The following CCDC60 variants were observed in gnomAD, a reference collection of about 807,000 sequenced individuals.
CCDC60 encodes the protein coiled-coil domain containing 60, also known as coiled-coil domain-containing protein 60.
CCDC60 carries 54 observed loss-of-function variants against 63.5 expected under a neutral mutation model. That is an observed-to-expected ratio of 0.85 (90% CI 0.68 to 1.07). The LOEUF (loss-of-function observed/expected upper bound fraction) is 1.07. Ranked by LOEUF, CCDC60 falls within the 50% of genes least tolerant of loss-of-function variation. The probability of loss-of-function intolerance (pLI) is 0.00; values close to 1 mark genes in which losing one functional copy is unlikely to be tolerated. For synonymous variants in CCDC60, 206 were observed against 238.8 expected (o/e 0.86, Z 1.27); for missense variants, 651 against 684.3 (o/e 0.95, Z 0.54).
chr12:119,397,253 G>T (rs553314596), intron 1 of CCDC60, among the ~76,000 whole-genome samples: 1 of 152,302 alleles, frequency 6.6e-6, no homozygotes, highest in South Asian at 2.1e-4. Flanking sequence ...ACACTTCCAT[G>T]ATCTGAAAAG....
At chr12:119,477,176 A>G (rs916321414) in intron 3 of CCDC60, among the ~76,000 whole-genome samples, 4 of 152,274 alleles carry the variant, frequency 2.6e-5, no homozygotes, top group African/African-American at 9.6e-5. Flanking sequence ...ATGGCAGCTG[A>G]ATGCTGAGTG....
chr12:119,338,721 C>T (rs1007186999), intron 1 of CCDC60, among the ~76,000 whole-genome samples: 1 of 152,118 alleles, frequency 6.6e-6, no homozygotes, highest in Non-Finnish European at 1.5e-5. Flanking sequence ...GGAACGACAC[C>T]TAAAAGTAGA....
chr12:119,479,776 T>C (rs1375568792), intron 4 of CCDC60: 1 of 152,264 alleles, frequency 6.6e-6, no homozygotes, highest in Non-Finnish European at 1.5e-5. Context: ...GGATACAAGC[T>C]TCTGACTTTA....
intron 13 of CCDC60, among the ~76,000 whole-genome samples, chr12:119,533,076 T>C (rs1014541297): frequency 5.3e-5 from 8 of 152,092 alleles, no homozygotes; most frequent in Non-Finnish European, 1.0e-4. Flanking sequence ...CTCTCCAGCA[T>C]TTATTGTTTC....
chr12:119,421,494 G>A (rs1313403653), intron 1 of CCDC60, among the ~76,000 whole-genome samples: 1 of 152,166 alleles, frequency 6.6e-6, no homozygotes, highest in African/African-American at 2.4e-5. Context: ...CCACTTAATA[G>A]CAAGTCAGTT....
chr12:119,521,850 G>T (rs1410229261), intron 9 of CCDC60, among the ~76,000 whole-genome samples: 2 of 152,178 alleles, frequency 1.3e-5, no homozygotes, highest in Non-Finnish European at 1.5e-5. Context: ...CAGGGATTAG[G>T]GCAGCTGGTT....
intron 5 of CCDC60, 136 bp from the exon 6 acceptor site, chr12:119,499,942 C>T: frequency 1.4e-6 from 1 of 719,062 alleles, no homozygotes; most frequent in South Asian, 1.6e-5. Flanking sequence ...CATTTCTTCA[C>T]AAGTAGAGGA....
At chr12:119,406,376 T>G (rs957335387) in intron 1 of CCDC60, among the ~76,000 whole-genome samples, 9 of 152,132 alleles carry the variant, frequency 5.9e-5, no homozygotes, top group Non-Finnish European at 1.2e-4. Flanking sequence ...ATAATTCAGT[T>G]TCCCAGGCTT....
intron 3 of CCDC60, among the ~76,000 whole-genome samples, chr12:119,477,505 G>A (rs1951201336): frequency 2.0e-5 from 3 of 152,204 alleles, no homozygotes; most frequent in Admixed American, 2.0e-4. Context: ...TTCGGAAGAG[G>A]AGAGGCTGCA....
intron 2 of CCDC60, among the ~76,000 whole-genome samples, chr12:119,446,825 TAATAGGCAATAATCAGATTTTTAA>T (rs923555345): frequency 6.6e-6 from 1 of 152,160 alleles, no homozygotes; most frequent in Non-Finnish European, 1.5e-5. Context: ...CTAGAAAAGA[TAATAGGCAATAATCAGATTTTTAA>T]AAAGTCACAG....
chr12:119,416,260 T>C (rs1956697227), intron 1 of CCDC60, among the ~76,000 whole-genome samples: 1 of 152,072 alleles, frequency 6.6e-6, no homozygotes, highest in Non-Finnish European at 1.5e-5. Flanking sequence ...ATGCCTGTAA[T>C]CCCAGCTACT....
At chr12:119,408,649 C>A (rs10849658) in intron 1 of CCDC60, among the ~76,000 whole-genome samples, 1 of 151,948 alleles carries the variant, frequency 6.6e-6, no homozygotes, top group Admixed American at 6.5e-5. Flanking sequence ...CGGTGAAACC[C>A]TGTCTCTACT....
At chr12:119,514,193 T>C (rs1952290359) in intron 7 of CCDC60, among the ~76,000 whole-genome samples, 1 of 151,886 alleles carries the variant, frequency 6.6e-6, no homozygotes, top group African/African-American at 2.4e-5. Context: ...TTTTTTTTCC[T>C]GAGACAAAGT....
At chr12:119,351,291 C>T (rs1324139507) in intron 1 of CCDC60, among the ~76,000 whole-genome samples, 1 of 152,188 alleles carries the variant, frequency 6.6e-6, no homozygotes, top group Non-Finnish European at 1.5e-5. Flanking sequence ...CTTGAAGATG[C>T]CTTCAGGGTG....
rs541147313 is a variant in CCDC60, at chr12:119,433,165, T to TG, written c.170+4404dup. Among the ~76,000 whole-genome samples, 99 of 103,916 alleles carry TG rather than the reference T, an allele frequency of 9.5e-4. 1 individual carries two copies. Among genetic ancestry groups the TG allele is most frequent in the African/African-American group, 3.4e-3 (95 of 28,024 alleles). 68.2% of individuals were successfully genotyped at this position (103,916 alleles called of 152,430 possible). A position where few individuals can be genotyped will look rare whatever the true frequency, so the allele number is the denominator to read the frequency against. ...GGGCTCAGTTCCCCCGACAGAGAGTTGTTAAACATTCACCAGCACACCACG... is the reference window on the plus strand; with the variant it reads ...GGGCTCAGTTCCCCCGACAGAGAGTTGGTTAAACATTCACCAGCACACCACG... On this transcript the variant is annotated intron_variant, in intron 2 of 13. Transcript: ENST00000327554.
chr12:119,363,890 G>C (rs907853155), intron 1 of CCDC60, among the ~76,000 whole-genome samples: 1 of 152,146 alleles, frequency 6.6e-6, no homozygotes, highest in South Asian at 2.1e-4. Flanking sequence ...TTTGGGGTTT[G>C]GGATTTTCAT....
At position 119,500,084 on chromosome 12, in the gene CCDC60, G is replaced by A. The variant is rs542109030; in HGVS notation, c.564G>A (p.Pro188=). The A allele has an allele frequency of 6.0e-4, 969 of 1,611,052 alleles. 13 individuals are homozygous for A. The South Asian group carries it at 8.3e-3, about 14-fold the overall frequency. ...PVITCWNPKD[P]GGSKSTIKKI... is the part of the protein sequence containing the mutation. ...TAAGCTGTTTCTCACTCAGGGACCC[G>A]GGTGGAAGCAAGAGCACCATTAAAA... The change falls in exon 6 of 14, where the codon CCG becomes CCA. Residue 188 remains proline, a synonymous_variant. Transcript: ENST00000327554.
chr12:119,462,608 C>T (rs575845151), intron 2 of CCDC60, among the ~76,000 whole-genome samples: 1 of 152,004 alleles, frequency 6.6e-6, no homozygotes, highest in South Asian at 2.1e-4. Context: ...GGTAAATGAC[C>T]GAGATGCAGA....
intron 2 of CCDC60, 64 bp downstream of exon 2, chr12:119,428,826 G>A (rs1956946438): frequency 1.9e-6 from 2 of 1,079,020 alleles, no homozygotes; most frequent in Non-Finnish European, 2.8e-6. Flanking sequence ...GCTATGGGGT[G>A]TTGCCTACAA....
Sources: gnomAD v4.1 joint callset for allele counts (sites outside exome capture counted in the v4.1 genomes callset) on GRCh38, gnomAD v4.1.1 for gene constraint, MANE v1.5 for transcripts, NCBI Gene and HGNC (gene_info 2026-07-23, HGNC 2026-07-21) for gene names.